AGBL2: variants seen among roughly 807,000 people sequenced by gnomAD.
AGBL2 encodes cytosolic carboxypeptidase 2.
AGBL2 carries 87 observed loss-of-function variants against 103.0 expected under a neutral mutation model. The ratio of observed to expected loss-of-function variants is 0.84; its 90% CI spans 0.71 to 1.01. AGBL2 has a LOEUF of 1.01. AGBL2 is among the 50% of genes least tolerant of loss of function. The pLI, the probability that AGBL2 is intolerant of heterozygous loss-of-function variation, is 0.00. For synonymous variants in AGBL2, 335 were observed against 356.7 expected (o/e 0.94, Z 0.69); for missense variants, 904 against 1,023.5 (o/e 0.88, Z 1.59).
intron 14 of AGBL2, among the ~76,000 whole-genome samples, chr11:47,674,604 T>C (rs1383203175): frequency 6.7e-6 from 1 of 149,840 alleles, no homozygotes; most frequent in African/African-American, 2.5e-5. Context: ...GTGGAGGCCA[T>C]AGAGGTATCA....
At chr11:47,695,949 G>C (rs1196090856) in intron 8 of AGBL2, among the ~76,000 whole-genome samples, 1 of 140,022 alleles carries the variant, frequency 7.1e-6, no homozygotes, top group African/African-American at 2.7e-5. Flanking sequence ...TGGATCACTT[G>C]AGGCCAGAAG....
At chr11:47,714,145 C>T in intron 3 of AGBL2, 139 bp downstream of exon 3, 2 of 655,086 alleles carry the variant, frequency 3.1e-6, no homozygotes, top group Non-Finnish European at 5.4e-6. Flanking sequence ...AAGTACTTTT[C>T]ACTAATGGTA....
Position 47,705,641 on chromosome 11 carries a change from CAAA to C in AGBL2, c.287-10_287-8del, listed in dbSNP as rs71228117. ...CCCAGGCAAGAGTGAAAGTCTGTGT[CAAA>C]AAAAAAAAAAAAAGAAAAAGAAAAA... On this transcript the variant is annotated splice_polypyrimidine_tract_variant and splice_region_variant and intron_variant, in intron 5 of 18. Coordinates refer to ENST00000525123, the MANE Select transcript of AGBL2 (RefSeq NM_024783.4). 3,283 of 408,578 alleles carry C rather than the reference CAAA, an allele frequency of 8.0e-3. No individual in the cohort carries two copies. The highest frequency in any genetic ancestry group is 0.014 in the South Asian group (451 of 31,574). The allele number at this position is 408,578 out of a possible 1,614,324, so 25.3% of individuals were successfully genotyped here. A position where few individuals can be genotyped will look rare whatever the true frequency, so the allele number is the denominator to read the frequency against.
intron 7 of AGBL2, among the ~76,000 whole-genome samples, chr11:47,702,289 T>A (rs567492969): frequency 6.6e-6 from 1 of 152,238 alleles, no homozygotes; most frequent in Non-Finnish European, 1.5e-5. Flanking sequence ...CCAACTGAAA[T>A]ACTTTTCTTT....
chr11:47,704,508 AG>A, intron 7 of AGBL2, 34 bp downstream of exon 7: 1 of 1,452,574 alleles, frequency 6.9e-7, no homozygotes, highest in Non-Finnish European at 9.3e-7. Flanking sequence ...AAAGTCAGGC[AG>A]AATAGCAAGA....
chr11:47,673,402 G>T (rs563173195), intron 14 of AGBL2, among the ~76,000 whole-genome samples: 23 of 152,006 alleles, frequency 1.5e-4, no homozygotes, highest in Non-Finnish European at 2.9e-4. Context: ...GAGGTGGGCG[G>T]ATCACCTGAG....
intron 17 of AGBL2, among the ~76,000 whole-genome samples, chr11:47,664,384 C>T (rs1276972568): frequency 6.6e-6 from 1 of 151,250 alleles, no homozygotes; most frequent in Non-Finnish European, 1.5e-5. Context: ...GTAGCTAGGA[C>T]TACAGGGGCA....
At chr11:47,678,343 A>ATTATTTTTTTTTT (rs2097385523) in intron 13 of AGBL2, among the ~76,000 whole-genome samples, 39 of 116,736 alleles carry the variant, frequency 3.3e-4, no homozygotes, top group South Asian at 1.1e-3. Context: ...TTATTATTTT[A>ATTATTTTTTTTTT]TTTTTTTTGA....
chr11:47,696,025 AAAAAAAAAAAAG>A (rs1417947971), intron 8 of AGBL2, among the ~76,000 whole-genome samples: 6 of 33,262 alleles, frequency 1.8e-4, no homozygotes, highest in South Asian at 1.6e-3. Context: ...AAAAAAAAAA[AAAAAAAAAAAAG>A]AAAAAAAAAA....
At chr11:47,707,452 C>A (rs780494870) in intron 4 of AGBL2, among the ~76,000 whole-genome samples, 1 of 152,152 alleles carries the variant, frequency 6.6e-6, no homozygotes, top group African/African-American at 2.4e-5. Context: ...AAATAAATGG[C>A]ACCAGGCCAA....
rs377200932 is a variant in AGBL2, at chr11:47,681,959, G to C, written c.1915+10C>G. Reference sequence around the variant, plus strand: ...CTATGCTGGCCTATGATATACAAAAGAGAATGTACCCAGGGTGGACCCGCC... The same window carrying C: ...CTATGCTGGCCTATGATATACAAAACAGAATGTACCCAGGGTGGACCCGCC... On this transcript the variant is annotated intron_variant, in intron 12 of 18. Transcript: ENST00000525123. 2 of 1,611,350 alleles carry C rather than the reference G, an allele frequency of 1.2e-6. No homozygotes were observed. Among genetic ancestry groups the C allele is most frequent in the South Asian group, 1.1e-5 (1 of 90,634 alleles).
Position 47,692,259 on chromosome 11 carries a change from G to T in AGBL2, c.695-3C>A. The T allele has an allele frequency of 6.2e-7, 1 of 1,612,972 alleles. No homozygotes were observed. Among genetic ancestry groups the T allele is most frequent in the South Asian group, 1.1e-5 (1 of 90,988 alleles). On this transcript the variant is annotated splice_polypyrimidine_tract_variant and splice_region_variant and intron_variant, in intron 8 of 18. Coordinates refer to ENST00000525123, the MANE Select transcript of AGBL2 (RefSeq NM_024783.4). Reference sequence around the variant, plus strand: ...AAAATAGGAACCTTCTATAGGCACTGCAGAGAAAAGATATATTTAGGCTAG... The same window carrying T: ...AAAATAGGAACCTTCTATAGGCACTTCAGAGAAAAGATATATTTAGGCTAG...
At position 47,681,845 on chromosome 11, in the gene AGBL2, A is replaced by G. The variant is rs756992833; in HGVS notation, c.1915+124T>C. On this transcript the variant is annotated intron_variant, in intron 12 of 18. Transcript: ENST00000525123. Reference sequence around the variant, plus strand: ...ATGTTGGGCACTCAAATTTAGCATAAGTCTAGACAAAGAAATCCTCTAGAT... The same window carrying G: ...ATGTTGGGCACTCAAATTTAGCATAGGTCTAGACAAAGAAATCCTCTAGAT... 745 of 1,198,738 alleles carry G rather than the reference A, an allele frequency of 6.2e-4. 4 individuals carry two copies. Among genetic ancestry groups the G allele is most frequent in the Non-Finnish European group, 5.2e-4 (441 of 856,226 alleles). The allele number at this position is 1,198,738 out of a possible 1,614,324, so 74.3% of individuals were successfully genotyped here. A position where few individuals can be genotyped will look rare whatever the true frequency, so the allele number is the denominator to read the frequency against.
chr11:47,710,399 G>A lies in AGBL2; in HGVS notation c.210C>T (p.Thr70=), dbSNP rs2097533402. Residue 70 remains threonine (T), a synonymous_variant, in exon 4 of 19, where the codon ACC becomes ACT. Transcript: ENST00000525123. ...CACATAGAAGCTTCTCCTTTTGCAG[G>A]GTGTCTGGTATCAAATCATCTTTTT... The part of the protein sequence containing the change: ...LGEKDDLIPD[T]LQKEKLLWPI... 1 of 1,614,032 alleles carries A rather than the reference G, an allele frequency of 6.2e-7. No individual in the cohort carries two copies. Among genetic ancestry groups the A allele is most frequent in the Non-Finnish European group, 8.5e-7 (1 of 1,179,992 alleles).
rs1259288667 is a variant in AGBL2, at chr11:47,671,456, A to G, written c.2148-2549T>C. On this transcript the variant is annotated intron_variant, in intron 14 of 18. Transcript: ENST00000525123. ...AATTGCTTGAACCCGGGAGGTGGAG[A>G]TTGCAGTGATGCAGTGAGCCGAGAT... Among the ~76,000 whole-genome samples, 4 of 152,010 alleles carry G rather than the reference A, an allele frequency of 2.6e-5. No homozygotes were observed. The East Asian group carries it at 5.8e-4, about 22-fold the overall frequency.
In AGBL2 at chr11:47,667,569, A is replaced by G; in HGVS notation, c.2340+2T>C. The G allele has an allele frequency of 1.2e-6, 2 of 1,613,246 alleles. No homozygotes were observed. Among genetic ancestry groups the G allele is most frequent in the Non-Finnish European group, 1.7e-6 (2 of 1,179,814 alleles). ...TAGAAATAGCCAGCAAGTCTTTCTT[A>G]CTGAGGTATCTTCTGTTAACTTTAA... On this transcript the variant is annotated splice_donor_variant, in intron 16 of 18. Transcript: ENST00000525123. LOFTEE classifies it high-confidence loss of function.
chr11:47,683,928 T>TAAA (rs542131374), intron 11 of AGBL2, among the ~76,000 whole-genome samples: 1 of 129,150 alleles, frequency 7.7e-6, no homozygotes, highest in African/African-American at 2.9e-5. Context: ...CTGTCTCTAT[T>TAAA]AAAAAAAAAA....
chr11:47,678,058 G>A (rs2097382625), intron 13 of AGBL2, among the ~76,000 whole-genome samples: 1 of 151,738 alleles, frequency 6.6e-6, no homozygotes, highest in South Asian at 2.1e-4. Context: ...CCGCCCCCTG[G>A]GTTCAAGCCA....
At chr11:47,685,797 AAG>A in intron 11 of AGBL2, 94 bp downstream of exon 11, 1 of 1,286,316 alleles carries the variant, frequency 7.8e-7, no homozygotes, top group Non-Finnish European at 1.1e-6. Flanking sequence ...AGATAATAAA[AAG>A]AGATACAAAA....
Sources: allele counts gnomAD v4.1 joint callset (sites outside exome capture counted in the v4.1 genomes callset), GRCh38; gene constraint gnomAD v4.1.1; transcripts MANE v1.5; gene names NCBI Gene and HGNC (gene_info 2026-07-23, HGNC 2026-07-21).